Variants in FBN1 observed in about 807,000 individuals in gnomAD.
The protein encoded by FBN1 is fibrillin 1, also known as fibrillin-1.
In FBN1, 29 loss-of-function variants were observed where a neutral mutation model predicts 365.1. The observed-to-expected ratio is 0.08, with a 90% CI of 0.06 to 0.11. The LOEUF is 0.11. FBN1 is among the 10% of genes least tolerant of loss of function. The pLI is 1.00. For synonymous variants in FBN1, 1,210 were observed against 1,270.5 expected (o/e 0.95, Z 1.01); for missense variants, 2,476 against 3,703.2 (o/e 0.67, Z 8.60).
intron 48 of FBN1, among the ~76,000 whole-genome samples, chr15:48,444,870 A>G (rs964675112): frequency 1.5e-4 from 23 of 152,082 alleles, no homozygotes; most frequent in African/African-American, 5.1e-4. Context: ...ATTTTATTTT[A>G]CCTGCATCAA....
chr15:48,422,050 G>C lies in FBN1; in HGVS notation c.7472C>G (p.Thr2491Ser). 1 of 1,612,870 alleles carries C rather than the reference G, an allele frequency of 6.2e-7. No homozygotes were observed. Among genetic ancestry groups the C allele is most frequent in the South Asian group, 1.1e-5 (1 of 91,076 alleles). The change falls in exon 61 of 66, where the codon ACC (threonine) becomes AGC (serine). Residue 2491 changes from threonine (T) to serine (S), a missense_variant. Thr to Ser is a moderately conservative substitution (Grantham distance 58). Around this residue, in one of 5 missense-constraint regions of FBN1, gnomAD observed 1,780 missense variants for 2,840.8 expected, o/e 0.63. Transcript: ENST00000316623. Reference sequence around the variant, plus strand: ...TAGGAACTGGCAGTTGTGTTGCTTGGTTGCACACTCATCAAGATCTACAAG... The same window carrying C: ...TAGGAACTGGCAGTTGTGTTGCTTGCTTGCACACTCATCAAGATCTACAAG... ...RSCKDLDECATKQHNCQFLCV... is the reference protein window; with the variant it reads ...RSCKDLDECASKQHNCQFLCV...
At chr15:48,644,329 T>C (rs1028696991) in intron 2 of FBN1, 1 of 502,218 alleles carries the variant, frequency 2.0e-6, no homozygotes, top group Non-Finnish European at 3.6e-6. Flanking sequence ...CTCCTCCCCT[T>C]CTTCCCCAAG....
At chr15:48,613,241 T>A in intron 2 of FBN1, 149 bp from the exon 3 acceptor site, 1 of 680,800 alleles carries the variant, frequency 1.5e-6, no homozygotes, top group East Asian at 2.7e-5. Context: ...CAATGCTGGG[T>A]TGGTAGCTTG....
chr15:48,624,052 G>C (rs1166237650), intron 2 of FBN1, among the ~76,000 whole-genome samples: 1 of 151,834 alleles, frequency 6.6e-6, no homozygotes, highest in African/African-American at 2.4e-5. Context: ...CCTCGGATCT[G>C]GGACATCATT....
At chr15:48,426,535 A>G (rs909682582) in intron 58 of FBN1, among the ~76,000 whole-genome samples, 2 of 151,934 alleles carry the variant, frequency 1.3e-5, no homozygotes, top group African/African-American at 4.8e-5. Context: ...GTCAATATGC[A>G]CTGTTGAGCA....
chr15:48,479,476 T>A (rs1313064049), intron 32 of FBN1, among the ~76,000 whole-genome samples: 1 of 152,204 alleles, frequency 6.6e-6, no homozygotes, highest in Non-Finnish European at 1.5e-5. Flanking sequence ...CATGTTACTC[T>A]GGTATCAAAG....
At chr15:48,603,804 C>A (rs1413330531) in intron 4 of FBN1, among the ~76,000 whole-genome samples, 1 of 152,166 alleles carries the variant, frequency 6.6e-6, no homozygotes, top group African/African-American at 2.4e-5. Context: ...ACAGATCCAG[C>A]CATATGCAGT....
At chr15:48,532,599 A>G (rs530173378) in intron 8 of FBN1, among the ~76,000 whole-genome samples, 2 of 152,182 alleles carry the variant, frequency 1.3e-5, no homozygotes, top group South Asian at 2.1e-4. Context: ...CTCAGCAAGC[A>G]CCAGAGTGTG....
intron 63 of FBN1, among the ~76,000 whole-genome samples, chr15:48,419,722 C>G (rs1183513498): frequency 1.3e-5 from 2 of 152,080 alleles, no homozygotes; most frequent in Non-Finnish European, 1.5e-5. Context: ...TGAAAGTGAA[C>G]CCCTGCAATG....
At chr15:48,428,209 G>A (rs1385559164) in intron 57 of FBN1, 137 bp downstream of exon 57, 18 of 1,104,132 alleles carry the variant, frequency 1.6e-5, no homozygotes, top group Admixed American at 4.0e-5. Context: ...CAGTCATTAC[G>A]GCATCTCCAA....
Position 48,494,191 on chromosome 15 carries a change from T to C in FBN1, c.2728+13A>G. 6.3e-7 allele frequency: 1 copy of C among 1,597,682 alleles called. No individual in the cohort carries two copies. ...CACACAAAAATGTATGGTTTATAAG[T>C]AATCAGAAATACCTTCACATTGTGT... On this transcript the variant is annotated intron_variant, in intron 23 of 65. Transcript: ENST00000316623.
chr15:48,605,693 C>T (rs1455698817), intron 4 of FBN1, among the ~76,000 whole-genome samples: 2 of 152,016 alleles, frequency 1.3e-5, no homozygotes, highest in African/African-American at 2.4e-5. Context: ...GGCAGCATGG[C>T]AAAACCCTGT....
chr15:48,493,334 A>T (rs560396493), intron 23 of FBN1, among the ~76,000 whole-genome samples: 3 of 152,204 alleles, frequency 2.0e-5, no homozygotes, highest in African/African-American at 7.2e-5. Context: ...AAGAGGGGGG[A>T]ACATTAGCTA....
chr15:48,456,790 G>A, intron 43 of FBN1, 28 bp from the exon 44 acceptor site: 1 of 1,608,940 alleles, frequency 6.2e-7, no homozygotes. Context: ...ATTCATGAGT[G>A]ACAGGACAGC....
chr15:48,584,716 C>T (rs2044422521), intron 6 of FBN1, among the ~76,000 whole-genome samples: 1 of 152,140 alleles, frequency 6.6e-6, no homozygotes, highest in African/African-American at 2.4e-5. Context: ...AGCCCAATCC[C>T]ACTCCAAATT....
intron 8 of FBN1, among the ~76,000 whole-genome samples, chr15:48,527,754 A>C (rs1489005708): frequency 6.6e-6 from 1 of 152,262 alleles, no homozygotes; most frequent in Non-Finnish European, 1.5e-5. Flanking sequence ...GCTAGAGGCT[A>C]AACCAAACAA....
In FBN1 at chr15:48,412,735, A is replaced by G. The variant is rs201648983; in HGVS notation, c.8060T>C (p.Val2687Ala). The G allele has an allele frequency of 6.2e-7, 1 of 1,614,216 alleles. No homozygotes were observed. Among genetic ancestry groups the G allele is most frequent in the East Asian group, 2.2e-5 (1 of 44,882 alleles). The change falls in exon 65 of 66, where the codon GTT becomes GCT. Residue 2687 changes from valine to alanine, a missense_variant. Around this residue, in one of 5 missense-constraint regions of FBN1, gnomAD observed 1,780 missense variants for 2,840.8 expected, o/e 0.63. Transcript: ENST00000316623. ...GYFRIGQGHC[V>A]SGMGMGRGNP... ...TCCTCGGCCCATGCCCATTCCAGAA[A>G]CACAGTGCCTGCAGCAGAAGGGGAG...
rs535222804 is a variant in FBN1, at chr15:48,641,719, C to T, written c.164+2887G>A. 3.9e-5 allele frequency: 6 copies of T among 152,140 alleles called. No homozygotes were observed. The Middle Eastern group carries it at 0.01, about 259-fold the overall frequency. 9.4% of individuals were successfully genotyped at this position (152,140 alleles called of 1,614,324 possible). A position where few individuals can be genotyped will look rare whatever the true frequency, so the allele number is the denominator to read the frequency against. On this transcript the variant is annotated intron_variant, in intron 2 of 65. Transcript: ENST00000316623. Reference sequence around the variant, plus strand: ...TAGTCAAAGAGGTGAGTTTTGAAGCCGGTAATATTTTAACAGACAAAAACA... The same window carrying T: ...TAGTCAAAGAGGTGAGTTTTGAAGCTGGTAATATTTTAACAGACAAAAACA...
At chr15:48,453,312 A>C (rs202243365) in intron 44 of FBN1, among the ~76,000 whole-genome samples, 12 of 139,552 alleles carry the variant, frequency 8.6e-5, no homozygotes, top group African/African-American at 3.3e-4. Context: ...AAACACACAC[A>C]AAAAAAAAGG....
Sources: gnomAD v4.1 joint callset for allele counts (sites outside exome capture counted in the v4.1 genomes callset) on GRCh38, gnomAD v4.1.1 for gene constraint, gnomAD v4.1.1 regional missense constraint, MANE v1.5 for transcripts, NCBI Gene and HGNC (gene_info 2026-07-23, HGNC 2026-07-21) for gene names.